The following KDM5C variants were observed in gnomAD, a reference collection of about 807,000 sequenced individuals.
The protein encoded by KDM5C is lysine-specific demethylase 5C.
KDM5C carries 16 observed loss-of-function variants against 110.6 expected under a neutral mutation model. That is an observed-to-expected ratio of 0.14 (90% CI 0.10 to 0.22). The LOEUF (loss-of-function observed/expected upper bound fraction) is 0.22, where lower values mean the gene tolerates loss of function less well. KDM5C is among the 10% of genes least tolerant of loss of function. The pLI, the probability that KDM5C is intolerant of heterozygous loss-of-function variation, is 1.00. For missense variants in KDM5C, 681 were observed against 1,300.9 expected, an observed-to-expected ratio of 0.52 and a Z score of 7.33; for synonymous variants, 511 against 520.4, an observed-to-expected ratio of 0.98 and a Z score of 0.24.
intron 6 of KDM5C, 42 bp downstream of exon 6, chrX:53,216,032 T>C (rs2073732536): frequency 3.3e-6 from 4 of 1,212,107 alleles, no homozygotes; most frequent in Non-Finnish European, 4.5e-6. Context: ...GGGCCCTGAC[T>C]TTTCTCCCCA....
At chrX:53,214,960 G>GT (rs1187707393) in intron 7 of KDM5C, 113 bp from the exon 8 acceptor site, 1 of 784,450 alleles carries the variant, frequency 1.3e-6, no homozygotes, top group Admixed American at 2.6e-5. Flanking sequence ...TCAACTGCAC[G>GT]TATGTACCAT....
chrX:53,206,461 T>C (rs2073331399), intron 12 of KDM5C, among the ~76,000 whole-genome samples: 1 of 111,645 alleles, frequency 9.0e-6, no homozygotes, highest in Admixed American at 9.5e-5. Flanking sequence ...ATGTAGCAAA[T>C]CATACCGCAA....
At chrX:53,190,680 CCTT>C (rs1569253669), downstream of KDM5C, among the ~76,000 whole-genome samples, 2 of 111,737 alleles carry the variant, frequency 1.8e-5, no homozygotes, top group African/African-American at 3.3e-5. Flanking sequence ...CTCTCTCTCT[CCTT>C]ACTTGTATAG....
intron 8 of KDM5C, 55 bp downstream of exon 8, chrX:53,214,634 G>C (rs1456705008): frequency 8.6e-7 from 1 of 1,161,102 alleles, no homozygotes; most frequent in Non-Finnish European, 1.2e-6. Context: ...AATAAGGCCA[G>C]ATGAAGGAAG....
At chrX:53,216,001 A>G in intron 6 of KDM5C, 25 bp from the exon 7 acceptor site, 3 of 1,211,736 alleles carry the variant, frequency 2.5e-6, no homozygotes, top group Non-Finnish European at 3.4e-6. Context: ...AATGGCTGTA[A>G]ACACAGGTCT....
At chrX:53,213,487 T>C in intron 8 of KDM5C, among the ~76,000 whole-genome samples, 1 of 111,897 alleles carries the variant, frequency 8.9e-6, no homozygotes, top group Middle Eastern at 4.6e-3. Flanking sequence ...TACCGAGAAT[T>C]TGGGTGAAGG....
intron 2 of KDM5C, among the ~76,000 whole-genome samples, chrX:53,220,056 T>A (rs1165125914): frequency 8.9e-6 from 1 of 112,139 alleles, no homozygotes; most frequent in Non-Finnish European, 1.9e-5. Flanking sequence ...TTTTAGGGTA[T>A]AAGTATTCAG....
chrX:53,180,895 A>AT (rs2146785033), intron 25 of KDM5C, among the ~76,000 whole-genome samples: 1 of 106,890 alleles, frequency 9.4e-6, no homozygotes, highest in South Asian at 4.2e-4. Context: ...CGCCTGGCTA[A>AT]TTTTTTGTAT....
At chrX:53,206,210 A>G (rs1477465983) in intron 12 of KDM5C, among the ~76,000 whole-genome samples, 2 of 112,518 alleles carry the variant, frequency 1.8e-5, no homozygotes, top group African/African-American at 6.5e-5. Flanking sequence ...GCTAAGTGAG[A>G]GAAGAAACAA....
At chrX:53,178,099 C>G (rs1933930910) in intron 25 of KDM5C, among the ~76,000 whole-genome samples, 1 of 112,023 alleles carries the variant, frequency 8.9e-6, no homozygotes, top group Non-Finnish European at 1.9e-5. Context: ...TCAAGCGATT[C>G]TCCTGCCTCA....
chrX:53,184,051 A>T (rs1484254104), intron 25 of KDM5C, among the ~76,000 whole-genome samples: 1 of 111,907 alleles, frequency 8.9e-6, no homozygotes, highest in East Asian at 2.8e-4. Flanking sequence ...CATGGTTTTC[A>T]ATATACAAGT....
chrX:53,205,313 C>T (rs1300167685), intron 12 of KDM5C, among the ~76,000 whole-genome samples: 1 of 112,216 alleles, frequency 8.9e-6, no homozygotes, highest in Non-Finnish European at 1.9e-5. Flanking sequence ...GGAGAATTAA[C>T]ATCCTAACAA....
intron 25 of KDM5C, among the ~76,000 whole-genome samples, chrX:53,178,057 T>C (rs1352047666): frequency 9.0e-6 from 1 of 111,317 alleles, no homozygotes; most frequent in Non-Finnish European, 1.9e-5. Context: ...AGGGTCTCAC[T>C]ATGTTGTCCA....
In KDM5C at chrX:53,218,435, C is replaced by G. The variant is rs2073807495; in HGVS notation, c.229-37G>C. ...ATGGCTCAAAGAGGCTGGCCACCCC[C>G]TCCCACTGACCACTATCTTTGGGTC... On this transcript the variant is annotated intron_variant, in intron 2 of 25. Coordinates refer to ENST00000375401, the MANE Select transcript of KDM5C (RefSeq NM_004187.5). The G allele has an allele frequency of 2.5e-6, 3 of 1,204,707 alleles. No individual in the cohort carries two copies. In the East Asian group the frequency reaches 8.9e-5, roughly 36 times the overall value.
At chrX:53,198,676 T>C in intron 16 of KDM5C, 39 bp from the exon 17 acceptor site, 1 of 1,211,366 alleles carries the variant, frequency 8.3e-7, no homozygotes. Context: ...TAGGCAGTAT[T>C]GAATAGAGGC....
intron 25 of KDM5C, among the ~76,000 whole-genome samples, chrX:53,179,995 G>T (rs144520603): frequency 9.0e-6 from 1 of 111,692 alleles, no homozygotes; most frequent in East Asian, 2.8e-4. Flanking sequence ...ATTTATAGCC[G>T]ATTTATTCAC....
chrX:53,223,298 C>T (rs1054535053), intron 1 of KDM5C, among the ~76,000 whole-genome samples: 7 of 111,769 alleles, frequency 6.3e-5, no homozygotes, highest in African/African-American at 2.0e-4. Flanking sequence ...CCTGCCTCTC[C>T]CTTCCACTAG....
intron 1 of KDM5C, chrX:53,221,907 G>A (rs1381443196): frequency 3.2e-6 from 1 of 314,112 alleles, no homozygotes; most frequent in Non-Finnish European, 5.9e-6. Context: ...CCAAAGGTCA[G>A]CTGTGAAGAA....
intron 2 of KDM5C, among the ~76,000 whole-genome samples, chrX:53,220,264 A>C (rs782231474): frequency 3.3e-4 from 37 of 111,742 alleles, no homozygotes; most frequent in African/African-American, 1.1e-3. Context: ...CCACCTGTCC[A>C]TGAAAAGGGC....
Sources: allele counts gnomAD v4.1 joint callset (sites outside exome capture counted in the v4.1 genomes callset), GRCh38; gene constraint gnomAD v4.1.1; transcripts MANE v1.5; gene names NCBI Gene and HGNC (gene_info 2026-07-23, HGNC 2026-07-21).